DSC2: variants seen among roughly 807,000 people sequenced by gnomAD.
DSC2 encodes the protein desmocollin-2.
A neutral mutation model predicts 87.6 loss-of-function variants in DSC2; 51 were observed. That is an observed-to-expected ratio of 0.58 (90% confidence interval 0.46 to 0.74). The LOEUF (loss-of-function observed/expected upper bound fraction) is 0.74, where lower values mean the gene tolerates loss of function less well. Ranked by LOEUF, DSC2 falls within the 30% of genes least tolerant of loss-of-function variation. The pLI is 0.00. For missense variants in DSC2, 1,066 were observed against 1,089.5 expected (o/e 0.98, Z 0.30); for synonymous variants, 383 against 393.2 (o/e 0.97, Z 0.31).
At chr18:31,098,372 C>T (rs1258318876) in intron 1 of DSC2, among the ~76,000 whole-genome samples, 6 of 152,056 alleles carry the variant, frequency 3.9e-5, no homozygotes, top group East Asian at 1.9e-4. Context: ...TATATATCCT[C>T]GATCATGTGA....
intron 6 of DSC2, among the ~76,000 whole-genome samples, chr18:31,087,188 C>A (rs1987427336): frequency 6.6e-6 from 1 of 152,166 alleles, no homozygotes; most frequent in Admixed American, 6.5e-5. Flanking sequence ...TTTCACAGGG[C>A]TGAGAAAATG....
chr18:31,083,123 C>CT, intron 7 of DSC2, 63 bp from the exon 8 acceptor site: 3 of 1,558,622 alleles, frequency 1.9e-6, no homozygotes, highest in African/African-American at 2.7e-5. Flanking sequence ...TGAAATCTTA[C>CT]TTTACACTCC....
chr18:31,068,258 C>A (rs1370265505), intron 15 of DSC2, 46 bp from the exon 16 acceptor site: 1 of 1,612,532 alleles, frequency 6.2e-7, no homozygotes, highest in Non-Finnish European at 8.5e-7. Context: ...TTATTTTAAA[C>A]ACCAAAATTT....
At position 31,066,461 on chromosome 18, in the gene DSC2, T is replaced by A. The variant is rs1055319838; in HGVS notation, c.*1554A>T. On this transcript the variant is annotated 3_prime_UTR_variant, in exon 16 of 16. Transcript: ENST00000280904. ...ACTTTGGAAAACTATTTTTGCCTGA[T>A]CAGCAATAAAACTACTGATAAGATA... is the stretch of plus-strand genomic sequence containing the variant. 2.0e-5 allele frequency: 3 copies of A among 152,148 alleles called. No homozygotes were observed. Among genetic ancestry groups the A allele is most frequent in the Admixed American group, 6.6e-5 (1 of 15,266 alleles). The allele number at this position is 152,148 out of a possible 1,614,324, so 9.4% of individuals were successfully genotyped here.
At chr18:31,083,151 A>G in intron 7 of DSC2, 91 bp from the exon 8 acceptor site, 2 of 1,411,192 alleles carry the variant, frequency 1.4e-6, no homozygotes, top group Admixed American at 2.0e-5. Flanking sequence ...TTTTGCACTA[A>G]GAATTTAAGA....
chr18:31,069,669 T>G (rs1986761250), intron 14 of DSC2, among the ~76,000 whole-genome samples: 1 of 151,338 alleles, frequency 6.6e-6, no homozygotes, highest in Non-Finnish European at 1.5e-5. Flanking sequence ...GAGCTGTGAT[T>G]GTGCCACTGC....
chr18:31,080,046 C>T (rs530159369), intron 10 of DSC2, 50 bp downstream of exon 10: 66 of 1,610,238 alleles, frequency 4.1e-5, no homozygotes, highest in Admixed American at 6.7e-5. Context: ...ATTATAATAA[C>T]GTAACAAAAT....
At chr18:31,093,673 T>C in intron 1 of DSC2, 30 bp from the exon 2 acceptor site, 1 of 1,461,062 alleles carries the variant, frequency 6.8e-7, no homozygotes. Flanking sequence ...CAAATAAATA[T>C]TATGCATAAA....
In DSC2 at chr18:31,068,146, A is replaced by G. The variant is rs1986692194; in HGVS notation, c.2575T>C (p.Tyr859His). Residue 859 changes from tyrosine to histidine, a missense_variant, in exon 16 of 16, where the codon TAT (tyrosine) becomes CAT (histidine). Coordinates refer to ENST00000280904, the MANE Select transcript of DSC2 (RefSeq NM_024422.6). ...CCAGCCACCGATCCTCTTCCTTCAT[A>G]GTTATATGTCAGGACATAGTCTTGG... ...HAQDYVLTYN[Y>H]EGRGSVAGSV... 1 of 1,614,026 alleles carries G rather than the reference A, an allele frequency of 6.2e-7. No individual in the cohort carries two copies. The highest frequency in any genetic ancestry group is 8.5e-7 in the Non-Finnish European group (1 of 1,179,980).
chr18:31,089,724 T>C lies in DSC2; in HGVS notation c.475-130A>G. Reference sequence around the variant, plus strand: ...CCCTTAATTTATTATTATATATAAATTAAAACAGCAATAGAATAAGAAAGT... The same window carrying C: ...CCCTTAATTTATTATTATATATAAACTAAAACAGCAATAGAATAAGAAAGT... On this transcript the variant is annotated intron_variant, in intron 4 of 15. Coordinates refer to ENST00000280904, the MANE Select transcript of DSC2 (RefSeq NM_024422.6). The C allele has an allele frequency of 6.7e-6, 6 of 892,310 alleles. No individual in the cohort carries two copies. In the South Asian group the frequency reaches 1.1e-4, roughly 16 times the overall value. The allele number at this position is 892,310 out of a possible 1,614,324, so 55.3% of individuals were successfully genotyped here. A position where few individuals can be genotyped will look rare whatever the true frequency, so the allele number is the denominator to read the frequency against.
At chr18:31,083,568 G>A (rs1023692193) in intron 7 of DSC2, among the ~76,000 whole-genome samples, 2 of 152,058 alleles carry the variant, frequency 1.3e-5, no homozygotes, top group African/African-American at 4.8e-5. Flanking sequence ...AGACAGCAAT[G>A]ACTCTTAAAA....
intron 6 of DSC2, among the ~76,000 whole-genome samples, chr18:31,087,097 T>C (rs1176831713): frequency 6.6e-6 from 1 of 152,220 alleles, no homozygotes; most frequent in Non-Finnish European, 1.5e-5. Flanking sequence ...GTCAGTTTTC[T>C]CTAAAACTGC....
At chr18:31,100,851 C>G (rs1233364417) in intron 1 of DSC2, among the ~76,000 whole-genome samples, 1 of 152,122 alleles carries the variant, frequency 6.6e-6, no homozygotes, top group East Asian at 1.9e-4. Flanking sequence ...TTCCAGGGAG[C>G]CAGGAAAAGT....
rs138761522 is a variant in DSC2 at position 31,080,181 on chromosome 18, G to A, written c.1435C>T (p.Arg479Cys). The A allele has an allele frequency of 3.9e-5, 63 of 1,613,770 alleles. No homozygotes were observed. Among genetic ancestry groups the A allele is most frequent in the Non-Finnish European group, 5.2e-5 (61 of 1,179,992 alleles). Residue 479 changes from arginine to cysteine, a missense_variant, in exon 10 of 16, where the codon CGC becomes TGC. Arg to Cys is a radical substitution (Grantham distance 180). Coordinates refer to ENST00000280904, the MANE Select transcript of DSC2 (RefSeq NM_024422.6). The stretch of plus-strand genomic sequence containing the variant: ...CCCACTTCTGCATTTTCTTTCATGC[G>A]AACAGTCTGTATTGGAGGGTTACAC... Reference protein sequence around the residue: ...PECNPPIQTVRMKENAEVGTT... With the variant: ...PECNPPIQTVCMKENAEVGTT...
chr18:31,075,759 A>G (rs904191284), intron 11 of DSC2, among the ~76,000 whole-genome samples: 1 of 152,214 alleles, frequency 6.6e-6, no homozygotes, highest in African/African-American at 2.4e-5. Context: ...TTGAGGCAAG[A>G]GAATCGCTTG....
Position 31,082,221 on chromosome 18 carries a change from T to G in DSC2, c.1263+17A>C, listed in dbSNP as rs772866806. The G allele has an allele frequency of 6.2e-7, 1 of 1,604,606 alleles. No individual in the cohort carries two copies. Among genetic ancestry groups the G allele is most frequent in the Non-Finnish European group, 8.5e-7 (1 of 1,173,022 alleles). On this transcript the variant is annotated intron_variant, in intron 9 of 15. Transcript: ENST00000280904. Reference sequence around the variant, plus strand: ...ATGATATTATAAACTACAAATAATGTTCTAATTTATTCTTACCTTAACTAC... The same window carrying G: ...ATGATATTATAAACTACAAATAATGGTCTAATTTATTCTTACCTTAACTAC...
In DSC2 at chr18:31,070,761, C is replaced by T. The variant is rs780610767; in HGVS notation, c.2215G>A (p.Val739Ile). 2 of 1,613,918 alleles carry T rather than the reference C, an allele frequency of 1.2e-6. No homozygotes were observed. The highest frequency in any genetic ancestry group is 1.1e-5 in the South Asian group (1 of 91,084). The change falls in exon 14 of 16, where the codon GTA becomes ATA. Residue 739 changes from valine (V) to isoleucine (I), a missense_variant. Coordinates refer to ENST00000280904, the MANE Select transcript of DSC2 (RefSeq NM_024422.6). ...TCTCCAGGAGCTTCTGTGTTTGATA[C>T]AATTAGGTTCTGCTGGGCTAAATCA... ...PDDLAQQNLI[V>I]SNTEAPGDDK...
At chr18:31,069,753 C>T (rs1475238746) in intron 14 of DSC2, among the ~76,000 whole-genome samples, 44 of 149,722 alleles carry the variant, frequency 2.9e-4, no homozygotes, top group Non-Finnish European at 3.0e-5. Flanking sequence ...TACTGTACAA[C>T]TCTAATTCTT....
At position 31,079,841 on chromosome 18, in the gene DSC2, T is replaced by C; in HGVS notation, c.1663+6A>G. 1 of 1,613,878 alleles carries C rather than the reference T, an allele frequency of 6.2e-7. No homozygotes were observed. ...GTATGTAGCTGGCTTAAAGACAAAT[T>C]CTTACCTTGGTCTGATGCAAGGACT... On this transcript the variant is annotated splice_donor_region_variant and intron_variant, in intron 11 of 15. Transcript: ENST00000280904.
Sources: gnomAD v4.1 joint callset for allele counts (sites outside exome capture counted in the v4.1 genomes callset) on GRCh38, gnomAD v4.1.1 for gene constraint, MANE v1.5 for transcripts, NCBI Gene and HGNC (gene_info 2026-07-23, HGNC 2026-07-21) for gene names.